Variants in STRN3 observed in about 807,000 individuals in gnomAD.
STRN3 encodes striatin 3, also known as striatin-3.
Under a neutral mutation model 95.6 loss-of-function variants are expected in STRN3, and 29 were observed. That is an observed-to-expected ratio of 0.30 (90% confidence interval 0.23 to 0.41). STRN3 has a LOEUF of 0.41. Ranked by LOEUF, STRN3 falls within the 10% of genes least tolerant of loss-of-function variation. The pLI, the probability that STRN3 is intolerant of heterozygous loss-of-function variation, is 1.00. For missense variants in STRN3, 890 were observed against 972.1 expected, an observed-to-expected ratio of 0.92 and a Z score of 1.12; for synonymous variants, 331 against 357.6, an observed-to-expected ratio of 0.93 and a Z score of 0.84.
At chr14:30,984,663 A>T (rs1881590635) in intron 1 of STRN3, among the ~76,000 whole-genome samples, 1 of 152,118 alleles carries the variant, frequency 6.6e-6, no homozygotes, top group South Asian at 2.1e-4. Context: ...CTGTAGTCCC[A>T]GCTACTCAGG....
intron 8 of STRN3, among the ~76,000 whole-genome samples, chr14:30,922,553 A>C (rs982152562): frequency 6.6e-5 from 10 of 152,214 alleles, no homozygotes; most frequent in Non-Finnish European, 1.3e-4. Flanking sequence ...TAAGTAAAAT[A>C]GTACTTTTGA....
intron 3 of STRN3, among the ~76,000 whole-genome samples, chr14:30,952,260 A>C (rs71417934): frequency 6.6e-6 from 1 of 152,238 alleles, no homozygotes; most frequent in Non-Finnish European, 1.5e-5. Flanking sequence ...ACATAAAGAC[A>C]CAGTGAAGAA....
intron 1 of STRN3, among the ~76,000 whole-genome samples, chr14:30,969,014 G>C (rs1880690199): frequency 6.6e-6 from 1 of 152,194 alleles, no homozygotes; most frequent in South Asian, 2.1e-4. Context: ...AGGAAATTCT[G>C]TGTGTAAACA....
chr14:30,911,628 C>T, intron 12 of STRN3, 149 bp downstream of exon 12: 2 of 729,810 alleles, frequency 2.7e-6, no homozygotes, highest in South Asian at 4.2e-5. Context: ...TATTCATAGT[C>T]TCACCAATAC....
Position 30,993,024 on chromosome 14 carries a change from A to G in STRN3, c.282+32880T>C, listed in dbSNP as rs116553361. On this transcript the variant is annotated intron_variant, in intron 1 of 17. Coordinates refer to ENST00000357479, the MANE Select transcript of STRN3 (RefSeq NM_001083893.2). ...TCACTAATCATAATTTATAATCTTA[A>G]TAAGACATCATTTGTCAACATAATC... is the stretch of plus-strand genomic sequence containing the variant. 4.4e-3 allele frequency among the ~76,000 whole-genome samples: 674 copies of G among 152,162 alleles called. 5 individuals are homozygous for G. The highest frequency in any genetic ancestry group is 0.015 in the African/African-American group (632 of 41,498).
chr14:30,919,242 T>C lies in STRN3; in HGVS notation c.1100-136A>G, dbSNP rs1896819022. ...TTAAAATATCAGAAAATTAAAGATG[T>C]CTTCCATTTTCCATACCATCCCCCA... On this transcript the variant is annotated intron_variant, in intron 8 of 17. Transcript: ENST00000357479. 5 of 920,000 alleles carry C rather than the reference T, an allele frequency of 5.4e-6. No individual in the cohort carries two copies. The Admixed American group carries it at 8.4e-5, about 16-fold the overall frequency. The allele number at this position is 920,000 out of a possible 1,614,324, so 57.0% of individuals were successfully genotyped here. A position where few individuals can be genotyped will look rare whatever the true frequency, so the allele number is the denominator to read the frequency against.
intron 16 of STRN3, among the ~76,000 whole-genome samples, chr14:30,897,388 C>T (rs1896186804): frequency 6.6e-6 from 1 of 152,116 alleles, no homozygotes; most frequent in Non-Finnish European, 1.5e-5. Context: ...AGTTCAAGAC[C>T]AGCCTGGCCA....
At chr14:30,995,267 C>G (rs1882145033) in intron 1 of STRN3, among the ~76,000 whole-genome samples, 1 of 151,924 alleles carries the variant, frequency 6.6e-6, no homozygotes, top group Non-Finnish European at 1.5e-5. Context: ...GTTACTGAAG[C>G]ATCTGCATAT....
chr14:31,011,217 C>T (rs770802139), intron 1 of STRN3, among the ~76,000 whole-genome samples: 1 of 152,122 alleles, frequency 6.6e-6, no homozygotes, highest in Admixed American at 6.5e-5. Flanking sequence ...TTTCTGCATC[C>T]GGTGGACTTT....
chr14:30,973,462 G>C (rs1476288254), intron 1 of STRN3, among the ~76,000 whole-genome samples: 1 of 151,680 alleles, frequency 6.6e-6, no homozygotes, highest in African/African-American at 2.4e-5. Flanking sequence ...AGTTAAATTA[G>C]TAACCACCAA....
intron 1 of STRN3, among the ~76,000 whole-genome samples, chr14:31,012,767 G>A (rs1304441675): frequency 2.6e-5 from 4 of 151,934 alleles, no homozygotes; most frequent in Non-Finnish European, 4.4e-5. Context: ...GGTGGTGGGC[G>A]CCTGTAATCC....
chr14:30,930,105 G>C (rs965148289), intron 7 of STRN3, among the ~76,000 whole-genome samples: 2 of 151,728 alleles, frequency 1.3e-5, no homozygotes, highest in Admixed American at 6.6e-5. Context: ...TATTTTAGCT[G>C]AATAATAAAT....
chr14:30,924,752 G>C (rs1037085755), intron 8 of STRN3, among the ~76,000 whole-genome samples: 9 of 152,162 alleles, frequency 5.9e-5, no homozygotes, highest in African/African-American at 2.2e-4. Context: ...AGCAAGGCGG[G>C]AGTGGAAAGA....
chr14:30,918,662 A>C (rs1193585427), intron 9 of STRN3, among the ~76,000 whole-genome samples: 1 of 152,184 alleles, frequency 6.6e-6, no homozygotes, highest in Non-Finnish European at 1.5e-5. Flanking sequence ...GTTTGTTTTT[A>C]TAAATTACTA....
At chr14:31,020,803 G>A (rs1883469060) in intron 1 of STRN3, among the ~76,000 whole-genome samples, 1 of 152,124 alleles carries the variant, frequency 6.6e-6, no homozygotes, top group African/African-American at 2.4e-5. Flanking sequence ...CTACTCGGGA[G>A]GCTGCAGCAG....
At chr14:30,959,837 G>C (rs1238227026) in intron 1 of STRN3, among the ~76,000 whole-genome samples, 1 of 151,966 alleles carries the variant, frequency 6.6e-6, no homozygotes, top group Non-Finnish European at 1.5e-5. Flanking sequence ...AACCACCAAA[G>C]ATGGGCAAGA....
At chr14:30,904,930 T>C (rs1014769210) in intron 15 of STRN3, among the ~76,000 whole-genome samples, 1 of 148,784 alleles carries the variant, frequency 6.7e-6, no homozygotes, top group Non-Finnish European at 1.5e-5. Context: ...TGTCGGAAAC[T>C]TGACAAGACA....
intron 10 of STRN3, among the ~76,000 whole-genome samples, chr14:30,912,766 A>G (rs1286365973): frequency 6.6e-6 from 1 of 152,196 alleles, no homozygotes; most frequent in Non-Finnish European, 1.5e-5. Context: ...AAAGCAGTCA[A>G]AAGTTTACTG....
At chr14:30,914,130 G>T (rs1896676736) in intron 9 of STRN3, among the ~76,000 whole-genome samples, 1 of 152,148 alleles carries the variant, frequency 6.6e-6, no homozygotes, top group Non-Finnish European at 1.5e-5. Context: ...GCTTTCTAAA[G>T]AAGTACTAGG....
Sources: allele counts gnomAD v4.1 joint callset (sites outside exome capture counted in the v4.1 genomes callset), GRCh38; gene constraint gnomAD v4.1.1; transcripts MANE v1.5; gene names NCBI Gene and HGNC (gene_info 2026-07-23, HGNC 2026-07-21).